Variants in ANXA8 observed in about 807,000 individuals in gnomAD.
The protein encoded by ANXA8 is VAC-beta.
In ANXA8, 9 loss-of-function variants were observed where a neutral mutation model predicts 26.8. The observed-to-expected ratio is 0.34, with a 90% CI of 0.20 to 0.59. The LOEUF is 0.59. Ranked by LOEUF, ANXA8 falls within the 20% of genes least tolerant of loss-of-function variation. ANXA8 has a pLI of 0.84. For synonymous variants in ANXA8, 39 were observed against 94.8 expected, an observed-to-expected ratio of 0.41 and a Z score of 3.42; for missense variants, 83 against 238.5, an observed-to-expected ratio of 0.35 and a Z score of 4.29.
At chr10:47,675,666 T>C in the ANXA8 span, among the ~76,000 whole-genome samples, 1 of 151,572 alleles carries the variant, frequency 6.6e-6, no homozygotes, top group African/African-American at 2.4e-5. Context: ...ATTACTTAAT[T>C]TAATAAGTAA....
At chr10:47,509,983 C>T in the ANXA8 span, among the ~76,000 whole-genome samples, 48 of 142,486 alleles carry the variant, frequency 3.4e-4, 6 homozygotes, top group South Asian at 0.01. Flanking sequence ...TGCTTCTTTG[C>T]TAACTGATTT....
the ANXA8 span, among the ~76,000 whole-genome samples, chr10:47,941,952 A>C: frequency 2.0e-5 from 3 of 147,786 alleles, no homozygotes; most frequent in Non-Finnish European, 4.4e-5. Context: ...AAACAATAGA[A>C]TGTCCAGCAA....
chr10:47,696,464 T>G, the ANXA8 span: 1 of 1,392,108 alleles, frequency 7.2e-7, no homozygotes, highest in Non-Finnish European at 9.8e-7. Context: ...CATTTAGCAG[T>G]CAGTTATTAA....
chr10:47,937,643 G>T, the ANXA8 span, among the ~76,000 whole-genome samples: 1 of 141,428 alleles, frequency 7.1e-6, no homozygotes, highest in Admixed American at 7.0e-5. Flanking sequence ...GTAGGCCCCA[G>T]TGTCTGTCGT....
At chr10:47,493,785 T>G in the ANXA8 span, among the ~76,000 whole-genome samples, 2 of 148,580 alleles carry the variant, frequency 1.3e-5, no homozygotes, top group African/African-American at 5.1e-5. Context: ...CCCTGCTAAT[T>G]TAATGCACTG....
the ANXA8 span, among the ~76,000 whole-genome samples, chr10:47,694,261 A>T: frequency 0.34 from 50,864 of 148,856 alleles, 9,106 homozygotes; most frequent in East Asian, 0.53. Context: ...AGTTCACCGA[A>T]TTCTGAATAA....
the ANXA8 span, chr10:47,563,671 G>C: frequency 2.4e-6 from 2 of 818,626 alleles, no homozygotes; most frequent in South Asian, 2.7e-5. Context: ...TGACATACAA[G>C]TGTGCAGTGG....
upstream of ANXA8, among the ~76,000 whole-genome samples, chr10:47,485,235 T>C (rs1368383590): frequency 1.3e-5 from 2 of 152,064 alleles, no homozygotes; most frequent in Non-Finnish European, 2.9e-5. Flanking sequence ...CTCTCAGTAA[T>C]ACAAATATGC....
At chr10:47,567,868 G>A in the ANXA8 span, 7 of 376,666 alleles carry the variant, frequency 1.9e-5, no homozygotes, top group African/African-American at 8.2e-5. Context: ...AGCATCACAC[G>A]TTTTTCTAAT....
At chr10:47,668,498 C>T in the ANXA8 span, among the ~76,000 whole-genome samples, 1 of 151,066 alleles carries the variant, frequency 6.6e-6, no homozygotes, top group Non-Finnish European at 1.5e-5. Context: ...AACTCTTAAG[C>T]GCCAAGCATT....
chr10:47,653,641 ATATT>A, the ANXA8 span, among the ~76,000 whole-genome samples: 3 of 149,636 alleles, frequency 2.0e-5, no homozygotes, highest in Non-Finnish European at 2.9e-5. Context: ...GTTATAAGTC[ATATT>A]TATTTATTTA....
At chr10:47,649,911 G>A in the ANXA8 span, among the ~76,000 whole-genome samples, 7 of 148,910 alleles carry the variant, frequency 4.7e-5, no homozygotes, top group African/African-American at 1.8e-4. Context: ...TGTATTTTTT[G>A]TATTATAGGA....
At chr10:47,907,110 A>C in the ANXA8 span, among the ~76,000 whole-genome samples, 3 of 151,758 alleles carry the variant, frequency 2.0e-5, no homozygotes, top group Non-Finnish European at 2.9e-5. Flanking sequence ...TAATCCCAGC[A>C]CTTTGGGAGG....
chr10:47,985,679 GC>G, the ANXA8 span: 12 of 121,562 alleles, frequency 9.9e-5, no homozygotes, highest in Admixed American at 6.1e-4. Flanking sequence ...GTTATTTCAT[GC>G]CCCCTTCAGC....
the ANXA8 span, among the ~76,000 whole-genome samples, chr10:47,688,645 C>T: frequency 2.0e-5 from 3 of 151,434 alleles, no homozygotes; most frequent in Non-Finnish European, 2.9e-5. Flanking sequence ...TGGTCTTGAA[C>T]TCCTGACCTC....
chr10:47,489,389 A>T, the ANXA8 span, among the ~76,000 whole-genome samples: 1 of 150,844 alleles, frequency 6.6e-6, no homozygotes, highest in Non-Finnish European at 1.5e-5. Flanking sequence ...CCACAGAGAG[A>T]ACCATCTAGA....
upstream of ANXA8, among the ~76,000 whole-genome samples, chr10:47,485,186 A>G (rs1247996561): frequency 6.6e-6 from 1 of 152,106 alleles, no homozygotes; most frequent in African/African-American, 2.4e-5. Context: ...AAAACTTTTC[A>G]TCCAAGCGAT....
At chr10:47,675,392 A>ACTAGAGTACTAG in the ANXA8 span, among the ~76,000 whole-genome samples, 1 of 151,552 alleles carries the variant, frequency 6.6e-6, no homozygotes, top group Non-Finnish European at 1.5e-5. Flanking sequence ...TCTAGTATAC[A>ACTAGAGTACTAG]TGTAAGGTAC....
the ANXA8 span, among the ~76,000 whole-genome samples, chr10:47,950,703 G>A: frequency 1.8e-4 from 27 of 150,814 alleles, no homozygotes; most frequent in Non-Finnish European, 3.4e-4. Flanking sequence ...CAAGTATTTG[G>A]AAACTGAGCA....
Sources: gnomAD v4.1 joint callset for allele counts (sites outside exome capture counted in the v4.1 genomes callset) on GRCh38, gnomAD v4.1.1 for gene constraint, MANE v1.5 for transcripts, NCBI Gene and HGNC (gene_info 2026-07-23, HGNC 2026-07-21) for gene names.